Variants in CYP2C19 observed in about 807,000 individuals in gnomAD.
CYP2C19 encodes the protein cytochrome P450 family 2 subfamily C member 19, also known as cytochrome P450 2C19.
Under a neutral mutation model 40.9 loss-of-function variants are expected in CYP2C19, and 59 were observed. That is an observed-to-expected ratio of 1.44 (90% CI 1.17 to 1.79). The LOEUF (loss-of-function observed/expected upper bound fraction) is 1.79, where lower values mean the gene tolerates loss of function less well. Among genes scored for constraint, CYP2C19 ranks in the 40% most tolerant of loss-of-function variants. The pLI is 0.00. For missense variants in CYP2C19, 754 were observed against 596.9 expected (o/e 1.26, Z -2.74); for synonymous variants, 253 against 208.7 (o/e 1.21, Z -1.83).
At chr10:94,827,034 C>A in intron 6 of CYP2C19, among the ~76,000 whole-genome samples, 1 of 152,046 alleles carries the variant, frequency 6.6e-6, no homozygotes. Flanking sequence ...GGTGGATAAG[C>A]TTTTTGATGT....
intron 5 of CYP2C19, among the ~76,000 whole-genome samples, chr10:94,794,176 C>T (rs1848650169): frequency 1.3e-5 from 2 of 152,190 alleles, no homozygotes; most frequent in South Asian, 4.1e-4. Flanking sequence ...GGGATATAAT[C>T]TCCTGGTGTG....
At chr10:94,763,227 C>T (rs1848196783) in intron 1 of CYP2C19, among the ~76,000 whole-genome samples, 1 of 152,076 alleles carries the variant, frequency 6.6e-6, no homozygotes, top group South Asian at 2.1e-4. Flanking sequence ...AATAAGTCCT[C>T]TACTATATTA....
chr10:94,848,045 G>A (rs1275362539), intron 7 of CYP2C19, among the ~76,000 whole-genome samples: 5 of 152,074 alleles, frequency 3.3e-5, no homozygotes, highest in African/African-American at 1.2e-4. Flanking sequence ...CACTCTGATG[G>A]TGGTTTCTTT....
intron 8 of CYP2C19, among the ~76,000 whole-genome samples, 170 bp downstream of exon 8, chr10:94,850,228 G>A (rs1197886846): frequency 6.6e-5 from 10 of 151,964 alleles, no homozygotes; most frequent in Admixed American, 4.6e-4. Context: ...CTCATTATTC[G>A]GCCAGATTAG....
At chr10:94,830,045 C>G (rs1252993678) in intron 6 of CYP2C19, among the ~76,000 whole-genome samples, 1 of 152,198 alleles carries the variant, frequency 6.6e-6, no homozygotes, top group Non-Finnish European at 1.5e-5. Flanking sequence ...GGGAGAACCA[C>G]TGCTCTCTTC....
At chr10:94,820,727 G>A (rs1849104802) in intron 6 of CYP2C19, 90 bp downstream of exon 6, 1 of 1,519,778 alleles carries the variant, frequency 6.6e-7, no homozygotes, top group Admixed American at 1.7e-5. Flanking sequence ...TCTTAGAGAA[G>A]TTCCATTATT....
intron 1 of CYP2C19, among the ~76,000 whole-genome samples, chr10:94,773,180 T>C (rs1848359743): frequency 6.6e-6 from 1 of 152,184 alleles, no homozygotes; most frequent in African/African-American, 2.4e-5. Flanking sequence ...CCAGTGGTAC[T>C]TACTGCTTGG....
intron 6 of CYP2C19, among the ~76,000 whole-genome samples, chr10:94,830,372 A>G (rs1849313969): frequency 6.6e-6 from 1 of 152,216 alleles, no homozygotes; most frequent in Non-Finnish European, 1.5e-5. Context: ...CCGTTTTTTA[A>G]GCCCATCGGA....
intron 1 of CYP2C19, among the ~76,000 whole-genome samples, chr10:94,765,849 A>G (rs925493933): frequency 6.6e-6 from 1 of 152,054 alleles, no homozygotes; most frequent in Non-Finnish European, 1.5e-5. Context: ...GTGTAATTAC[A>G]CTGATGGGGT....
At chr10:94,829,970 G>A (rs562364856) in intron 6 of CYP2C19, among the ~76,000 whole-genome samples, 8 of 152,192 alleles carry the variant, frequency 5.3e-5, no homozygotes, top group Non-Finnish European at 1.0e-4. Context: ...GCTGCTCAGG[G>A]GTCAGGGGTC....
At chr10:94,818,070 G>A (rs1849040344) in intron 5 of CYP2C19, among the ~76,000 whole-genome samples, 2 of 148,928 alleles carry the variant, frequency 1.3e-5, no homozygotes, top group Admixed American at 6.7e-5. Context: ...TTTTGTATAA[G>A]GTGTAAGGAA....
chr10:94,779,338 A>G (rs1564662565), intron 3 of CYP2C19, among the ~76,000 whole-genome samples: 1 of 152,140 alleles, frequency 6.6e-6, no homozygotes, highest in Non-Finnish European at 1.5e-5. Flanking sequence ...ACTTTATTTC[A>G]GAGATCCTCC....
chr10:94,828,655 C>A (rs992760563), intron 6 of CYP2C19, among the ~76,000 whole-genome samples: 2 of 150,160 alleles, frequency 1.3e-5, no homozygotes, highest in African/African-American at 4.9e-5. Context: ...AGCATTTAGT[C>A]CATTTACATT....
intron 6 of CYP2C19, among the ~76,000 whole-genome samples, chr10:94,841,798 T>G (rs1293975038): frequency 2.6e-5 from 4 of 152,226 alleles, no homozygotes; most frequent in African/African-American, 9.6e-5. Flanking sequence ...ACTTGTGTAG[T>G]TTCCAAAATT....
At chr10:94,780,041 T>G (rs1482711293) in intron 3 of CYP2C19, among the ~76,000 whole-genome samples, 1 of 152,162 alleles carries the variant, frequency 6.6e-6, no homozygotes, top group Admixed American at 6.5e-5. Flanking sequence ...TCACCCCTAG[T>G]CTCTCTAGTT....
intron 6 of CYP2C19, among the ~76,000 whole-genome samples, chr10:94,831,179 T>G (rs965473292): frequency 9.2e-5 from 14 of 152,178 alleles, no homozygotes; most frequent in Admixed American, 9.2e-4. Flanking sequence ...CTCTCCAATT[T>G]CATTCATGTT....
chr10:94,839,542 A>T (rs568950027), intron 6 of CYP2C19, among the ~76,000 whole-genome samples: 4 of 152,332 alleles, frequency 2.6e-5, no homozygotes, highest in Admixed American at 1.3e-4. Flanking sequence ...CTGCCCCATC[A>T]ACATGCATTC....
intron 5 of CYP2C19, among the ~76,000 whole-genome samples, chr10:94,806,705 A>T (rs1848841217): frequency 6.7e-6 from 1 of 148,344 alleles, no homozygotes; most frequent in African/African-American, 2.4e-5. Context: ...AATTTATATT[A>T]TATAACATAT....
chr10:94,788,969 G>A (rs1369417507), intron 5 of CYP2C19, among the ~76,000 whole-genome samples: 1 of 152,050 alleles, frequency 6.6e-6, no homozygotes, highest in Non-Finnish European at 1.5e-5. Context: ...CACAAACAGT[G>A]TAAAAATATT....
Sources: allele counts gnomAD v4.1 joint callset (sites outside exome capture counted in the v4.1 genomes callset), GRCh38; gene constraint gnomAD v4.1.1; transcripts MANE v1.5; gene names NCBI Gene and HGNC (gene_info 2026-07-23, HGNC 2026-07-21).